The following ASB17 variants were observed in gnomAD, a reference collection of about 807,000 sequenced individuals.
ASB17 encodes ankyrin repeat and SOCS box protein 17.
A neutral mutation model predicts 25.7 loss-of-function variants in ASB17; 26 were observed. The observed-to-expected ratio is 1.01, with a 90% confidence interval of 0.74 to 1.40. ASB17 has a LOEUF of 1.40. Ranked by LOEUF, ASB17 falls within the 40% of genes most tolerant of loss-of-function variation. The pLI is 0.00. For missense variants in ASB17, 326 were observed against 338.5 expected, an observed-to-expected ratio of 0.96 and a Z score of 0.29; for synonymous variants, 128 against 121.4, an observed-to-expected ratio of 1.05 and a Z score of -0.36.
At chr1:75,931,860 G>A (rs1172572199) in intron 1 of ASB17, 31 bp downstream of exon 1, 19 of 1,527,818 alleles carry the variant, frequency 1.2e-5, no homozygotes, top group Non-Finnish European at 1.7e-5. Flanking sequence ...AAATTTTCTT[G>A]TTCTATAGTG....
chr1:75,922,231 T>A lies in ASB17; in HGVS notation c.530A>T (p.Asn177Ile), dbSNP rs777498692. 2.0e-5 allele frequency: 32 copies of A among 1,613,394 alleles called. No individual in the cohort carries two copies. The South Asian group carries it at 3.5e-4, about 18-fold the overall frequency. ...TATTGTTAAGACAATGTTGATAGGG[T>A]TTTTTTCTCTTTCTAAGATTCCATA... is the stretch of plus-strand genomic sequence containing the variant. ...LQYGILEREK[N>I]PINIVLTIVL... Residue 177 changes from asparagine to isoleucine, a missense_variant, in exon 2 of 3, where the codon AAC (asparagine) becomes ATC (isoleucine). Coordinates refer to ENST00000284142, the MANE Select transcript of ASB17 (RefSeq NM_080868.3).
intron 2 of ASB17, among the ~76,000 whole-genome samples, chr1:75,921,805 A>G (rs778880892): frequency 1.3e-5 from 2 of 152,108 alleles, no homozygotes; most frequent in African/African-American, 2.4e-5. Flanking sequence ...AGACATCTTA[A>G]ACAGTTTTAA....
intron 1 of ASB17, among the ~76,000 whole-genome samples, chr1:75,931,630 GA>G (rs1417270316): frequency 6.6e-6 from 1 of 152,106 alleles, no homozygotes; most frequent in Non-Finnish European, 1.5e-5. Flanking sequence ...TTTAGTTAGA[GA>G]AACATGTTGT....
At chr1:75,921,696 A>T (rs903586652) in intron 2 of ASB17, among the ~76,000 whole-genome samples, 4 of 152,188 alleles carry the variant, frequency 2.6e-5, no homozygotes, top group Non-Finnish European at 4.4e-5. Context: ...GTTTTTTGAC[A>T]TATGATTGTA....
chr1:75,919,542 CT>C (rs1393853326), intron 2 of ASB17, among the ~76,000 whole-genome samples: 1 of 152,162 alleles, frequency 6.6e-6, no homozygotes, highest in African/African-American at 2.4e-5. Context: ...CCCTCTCCCC[CT>C]ACCCCACAAC....
In ASB17 at chr1:75,918,899, TC is replaced by T; in HGVS notation, c.*52del. 7.0e-7 allele frequency: 1 copy of T among 1,427,324 alleles called. No homozygotes were observed. The highest frequency in any genetic ancestry group is 1.7e-5 in the Admixed American group (1 of 59,412). The allele number at this position is 1,427,324 out of a possible 1,614,324, so 88.4% of individuals were successfully genotyped here. A position where few individuals can be genotyped will look rare whatever the true frequency, so the allele number is the denominator to read the frequency against. ...TACATGAAGTGAATTTTTATTAACT[TC>T]TAAGCCATACATTGGTAAGCATTGT... On this transcript the variant is annotated 3_prime_UTR_variant, in exon 3 of 3. Transcript: ENST00000284142.
At position 75,927,440 on chromosome 1, in the gene ASB17, C is replaced by A. The variant is rs1653201853; in HGVS notation, c.401+4451G>T. Among the ~76,000 whole-genome samples, 5 of 152,234 alleles carry A rather than the reference C, an allele frequency of 3.3e-5. No individual in the cohort carries two copies. The South Asian group carries it at 1.0e-3, about 32-fold the overall frequency. The stretch of plus-strand genomic sequence containing the variant: ...GTGTCTTGTAATTCTGTCTAAAAAT[C>A]TCTCTCCTTTCTCCCACTGCTACTG... On this transcript the variant is annotated intron_variant, in intron 1 of 2. Transcript: ENST00000284142.
rs1653051723 is a variant in ASB17 at position 75,922,369 on chromosome 1, A to G, written c.402-10T>C. 1 of 1,544,104 alleles carries G rather than the reference A, an allele frequency of 6.5e-7. No homozygotes were observed. The highest frequency in any genetic ancestry group is 1.4e-5 in the African/African-American group (1 of 72,920). On this transcript the variant is annotated splice_polypyrimidine_tract_variant and intron_variant, in intron 1 of 2. Coordinates refer to ENST00000284142, the MANE Select transcript of ASB17 (RefSeq NM_080868.3). ...TACTGGTGTGAAAGTTCTGTGAATT[A>G]AACAAAACAAAAACTCATTGGATAT...
intron 2 of ASB17, among the ~76,000 whole-genome samples, chr1:75,920,636 A>G (rs892800809): frequency 3.3e-5 from 5 of 152,354 alleles, no homozygotes; most frequent in Middle Eastern, 3.4e-3. Flanking sequence ...TTTTAATGCT[A>G]TTCTTTATCT....
intron 2 of ASB17, among the ~76,000 whole-genome samples, chr1:75,920,469 G>T (rs1652996854): frequency 6.6e-6 from 1 of 152,132 alleles, no homozygotes; most frequent in African/African-American, 2.4e-5. Flanking sequence ...GCTAGGGTAG[G>T]TAAAATAGAC....
intron 1 of ASB17, among the ~76,000 whole-genome samples, chr1:75,923,315 G>A (rs7545057): frequency 0.27 from 41,261 of 151,938 alleles, 7,189 homozygotes; most frequent in East Asian, 0.7. Context: ...GGGAAATCTT[G>A]TTTTCCCTAG....
At chr1:75,926,781 G>A (rs1267896949) in intron 1 of ASB17, among the ~76,000 whole-genome samples, 2 of 152,162 alleles carry the variant, frequency 1.3e-5, no homozygotes, top group African/African-American at 4.8e-5. Context: ...ATTAAGGATG[G>A]CACTGTTTAT....
chr1:75,924,948 G>A (rs1166701731), intron 1 of ASB17, among the ~76,000 whole-genome samples: 3 of 151,452 alleles, frequency 2.0e-5, no homozygotes, highest in Non-Finnish European at 2.9e-5. Context: ...CATTAAATTT[G>A]TATCTTTTGG....
chr1:75,922,402 A>G (rs1294734359), intron 1 of ASB17, 43 bp from the exon 2 acceptor site: 9 of 1,420,272 alleles, frequency 6.3e-6, no homozygotes, highest in Non-Finnish European at 7.5e-6. Context: ...TATAGAATTA[A>G]GAAATGTGAC....
intron 1 of ASB17, among the ~76,000 whole-genome samples, chr1:75,930,769 C>T (rs1213192700): frequency 6.6e-6 from 1 of 152,160 alleles, no homozygotes; most frequent in African/African-American, 2.4e-5. Flanking sequence ...TTTATTCTCT[C>T]TCCCTCTGTT....
chr1:75,926,800 G>A (rs113571176), intron 1 of ASB17, among the ~76,000 whole-genome samples: 14 of 152,262 alleles, frequency 9.2e-5, no homozygotes, highest in Admixed American at 5.2e-4. Context: ...ATCTAGCCAC[G>A]TATTGCACAT....
At chr1:75,925,321 T>C (rs149150606) in intron 1 of ASB17, among the ~76,000 whole-genome samples, 509 of 152,218 alleles carry the variant, frequency 3.3e-3, no homozygotes, top group African/African-American at 0.012. Context: ...AAGAACCTTA[T>C]AAGTATGGGA....
chr1:75,931,109 G>A (rs1283467338), intron 1 of ASB17, among the ~76,000 whole-genome samples: 2 of 152,108 alleles, frequency 1.3e-5, no homozygotes, highest in African/African-American at 4.8e-5. Context: ...GTTTTTCATT[G>A]CATACATGCA....
rs1653342848 is a variant in ASB17 at position 75,932,242 on chromosome 1, T to C, written c.50A>G (p.Asn17Ser). ...LCGKTSCPRS[N>S]IFCNLLDKIV... ...TTTGTCAAGGAGATTGCAGAATATA[T>C]TGCTTCTTGGACAAGAAGTCTTACC... is the stretch of plus-strand genomic sequence containing the variant. Residue 17 changes from asparagine to serine, a missense_variant, in exon 1 of 3, where the codon AAT (asparagine) becomes AGT (serine). Asn to Ser is a conservative substitution (Grantham distance 46, BLOSUM62 1). Transcript: ENST00000284142. 1.2e-6 allele frequency: 2 copies of C among 1,613,624 alleles called. No homozygotes were observed. The highest frequency in any genetic ancestry group is 1.7e-6 in the Non-Finnish European group (2 of 1,179,760).
Sources: allele counts gnomAD v4.1 joint callset (sites outside exome capture counted in the v4.1 genomes callset), GRCh38; gene constraint gnomAD v4.1.1; transcripts MANE v1.5; gene names NCBI Gene and HGNC (gene_info 2026-07-23, HGNC 2026-07-21).